DAGLB: variants seen among roughly 807,000 people sequenced by gnomAD.
DAGLB encodes diacylglycerol lipase beta.
DAGLB carries 66 observed loss-of-function variants against 72.1 expected under a neutral mutation model. The observed-to-expected ratio is 0.92, with a 90% CI of 0.75 to 1.12. DAGLB has a LOEUF of 1.12. Among genes scored for constraint, DAGLB ranks in the 50% most tolerant of loss-of-function variants. The pLI, the probability that DAGLB is intolerant of heterozygous loss-of-function variation, is 0.00. For synonymous variants in DAGLB, 414 were observed against 359.5 expected, an observed-to-expected ratio of 1.15 and a Z score of -1.71; for missense variants, 1,065 against 884.9, an observed-to-expected ratio of 1.20 and a Z score of -2.58.
intron 2 of DAGLB, among the ~76,000 whole-genome samples, chr7:6,437,145 C>T (rs1420551984): frequency 7.1e-6 from 1 of 140,774 alleles, no homozygotes; most frequent in East Asian, 2.1e-4. Context: ...CAGAGCAAGA[C>T]TCCGTCTCAA....
chr7:6,417,036 G>T, intron 9 of DAGLB, 115 bp from the exon 10 acceptor site: 1 of 1,244,578 alleles, frequency 8.0e-7, no homozygotes, highest in Non-Finnish European at 1.1e-6. Context: ...TGGGATCTGA[G>T]ACTGCAGAAT....
intron 2 of DAGLB, among the ~76,000 whole-genome samples, chr7:6,439,449 T>C (rs183864496): frequency 2.0e-3 from 304 of 152,196 alleles, no homozygotes; most frequent in African/African-American, 5.6e-3. Context: ...CTATCATCCA[T>C]CATCAGACAC....
intron 2 of DAGLB, 183 bp downstream of exon 2, chr7:6,445,770 G>C (rs765342318): frequency 1.7e-5 from 11 of 656,194 alleles, no homozygotes; most frequent in Non-Finnish European, 2.1e-5. Context: ...GCCTGGTACA[G>C]GATTTCTTTC....
intron 1 of DAGLB, among the ~76,000 whole-genome samples, chr7:6,446,994 A>G (rs12666600): frequency 0.066 from 10,016 of 152,090 alleles, 994 homozygotes; most frequent in East Asian, 0.5. Context: ...TGGGTAGCAG[A>G]GTGAGACCCT....
chr7:6,430,830 C>T (rs1474494051), intron 5 of DAGLB, among the ~76,000 whole-genome samples: 1 of 151,526 alleles, frequency 6.6e-6, no homozygotes, highest in Non-Finnish European at 1.5e-5. Context: ...GGCTGGAGTG[C>T]AGTGGCACAA....
At chr7:6,436,314 C>T (rs187441054) in intron 3 of DAGLB, 48 bp downstream of exon 3, 1 of 1,571,740 alleles carries the variant, frequency 6.4e-7, no homozygotes. Context: ...GTTTGTTCAC[C>T]TATGCCTCAA....
chr7:6,411,569 C>T (rs758876529), intron 13 of DAGLB, among the ~76,000 whole-genome samples: 2 of 152,024 alleles, frequency 1.3e-5, no homozygotes, highest in African/African-American at 4.8e-5. Context: ...TGCAATGTGC[C>T]GAGACTGCGC....
chr7:6,430,282 T>TATATATATATATATATATATATATA (rs1583294090), intron 6 of DAGLB, among the ~76,000 whole-genome samples, 198 bp downstream of exon 6: 1 of 105,798 alleles, frequency 9.5e-6, no homozygotes, highest in African/African-American at 3.7e-5. Context: ...TATATATATA[T>TATATATATATATATATATATATATA]GCAGGGGGGA....
At position 6,432,962 on chromosome 7, in the gene DAGLB, G is replaced by C; in HGVS notation, c.679-3C>G. On this transcript the variant is annotated splice_polypyrimidine_tract_variant and splice_region_variant and intron_variant, in intron 4 of 14. Coordinates refer to ENST00000297056, the MANE Select transcript of DAGLB (RefSeq NM_139179.4). ...TCGCTGGGCACCAGATCTGTGTCCT[G>C]GGTGGGAAACCACAATGGCCTGTCA... 1.2e-6 allele frequency: 2 copies of C among 1,612,534 alleles called. No individual in the cohort carries two copies. Among genetic ancestry groups the C allele is most frequent in the Non-Finnish European group, 1.7e-6 (2 of 1,179,464 alleles).
At chr7:6,435,721 T>C (rs1784633782) in intron 3 of DAGLB, among the ~76,000 whole-genome samples, 1 of 152,064 alleles carries the variant, frequency 6.6e-6, no homozygotes, top group South Asian at 2.1e-4. Flanking sequence ...AGGCCTCTCA[T>C]CTATATGTTT....
rs1562487974 is a variant in DAGLB, at chr7:6,437,159, AAT to A, written c.248-628_248-627del. Among the ~76,000 whole-genome samples the A allele has an allele frequency of 3.0e-3, 350 of 116,606 alleles. 10 individuals carry two copies. Among genetic ancestry groups the A allele is most frequent in the East Asian group, 5.2e-3 (14 of 2,712 alleles). The allele number at this position is 116,606 out of a possible 152,430, so 76.5% of individuals were successfully genotyped here. ...ACAGAGCAAGACTCCGTCTCAAAAT[AAT>A]AATAATAATAATAATAATAATAATA... On this transcript the variant is annotated intron_variant, in intron 2 of 14. Transcript: ENST00000297056.
chr7:6,409,692 T>C lies in DAGLB; in HGVS notation c.*145A>G, dbSNP rs190886886. 53 of 974,866 alleles carry C rather than the reference T, an allele frequency of 5.4e-5. 1 individual carries two copies. The highest frequency in any genetic ancestry group is 4.3e-4 in the African/African-American group (26 of 61,064). 60.4% of individuals were successfully genotyped at this position (974,866 alleles called of 1,614,324 possible). ...AATGACTTCCCATAAACTTAAGTCA[T>C]TGAGACCATGGAATTCTGTTCCCAT... is the stretch of plus-strand genomic sequence containing the variant. On this transcript the variant is annotated 3_prime_UTR_variant, in exon 15 of 15. Transcript: ENST00000297056.
intron 6 of DAGLB, among the ~76,000 whole-genome samples, chr7:6,427,065 G>A (rs1452244119): frequency 2.6e-5 from 4 of 152,046 alleles, no homozygotes; most frequent in Non-Finnish European, 2.9e-5. Context: ...CTGAGATCGC[G>A]CCACTGCACT....
intron 5 of DAGLB, among the ~76,000 whole-genome samples, chr7:6,431,919 C>T (rs1398030800): frequency 6.6e-6 from 1 of 152,198 alleles, no homozygotes; most frequent in Non-Finnish European, 1.5e-5. Flanking sequence ...TCCAACCCTG[C>T]TGCTAATGAA....
At chr7:6,445,840 T>G in intron 2 of DAGLB, 113 bp downstream of exon 2, 1 of 1,185,862 alleles carries the variant, frequency 8.4e-7, no homozygotes, top group Non-Finnish European at 1.2e-6. Context: ...TCTGTGATTA[T>G]ATTAAAAACT....
At chr7:6,425,332 C>T (rs776900846) in intron 7 of DAGLB, among the ~76,000 whole-genome samples, 2 of 151,992 alleles carry the variant, frequency 1.3e-5, no homozygotes, top group South Asian at 4.2e-4. Context: ...AGTGCAATGG[C>T]GCAATCTCAA....
chr7:6,439,703 CA>C (rs1784766523), intron 2 of DAGLB, among the ~76,000 whole-genome samples: 1 of 152,142 alleles, frequency 6.6e-6, no homozygotes, highest in African/African-American at 2.4e-5. Flanking sequence ...CATCTCCAAT[CA>C]AACCTCCCAC....
chr7:6,409,920 G>A lies in DAGLB; in HGVS notation c.1936C>T (p.Arg646Trp), dbSNP rs138713047. The A allele has an allele frequency of 5.6e-4, 906 of 1,614,108 alleles. 2 individuals are homozygous for A. In the Middle Eastern group the frequency reaches 7.1e-3, roughly 13 times the overall value. ...TCGGAGACCACGCTGTCCAAGGCCC[G>A]CATCAGGATGTCTGGCATGTGGTCG... is the stretch of plus-strand genomic sequence containing the variant. ...LTDHMPDILM[R>W]ALDSVVSDRA... The change falls in exon 15 of 15, where the codon CGG (arginine) becomes TGG (tryptophan). Residue 646 changes from arginine (R) to tryptophan (W), a missense_variant. Physicochemically the swap from Arg to Trp is moderately radical, Grantham distance 101. Transcript: ENST00000297056.
chr7:6,432,817 C>T lies in DAGLB; in HGVS notation c.801+20G>A, dbSNP rs779848898. 7 of 1,611,678 alleles carry T rather than the reference C, an allele frequency of 4.3e-6. No individual in the cohort carries two copies. In the Admixed American group the frequency reaches 6.7e-5, roughly 15 times the overall value. On this transcript the variant is annotated intron_variant, in intron 5 of 14. Transcript: ENST00000297056. Reference sequence around the variant, plus strand: ...AAGGTGTAAGTGTCAGAACTGGACACTCCATGAAGCCAGGCTCACCTGGGA... The same window carrying T: ...AAGGTGTAAGTGTCAGAACTGGACATTCCATGAAGCCAGGCTCACCTGGGA...
Sources: gnomAD v4.1 joint callset for allele counts (sites outside exome capture counted in the v4.1 genomes callset) on GRCh38, gnomAD v4.1.1 for gene constraint, MANE v1.5 for transcripts, NCBI Gene and HGNC (gene_info 2026-07-23, HGNC 2026-07-21) for gene names.